The following RNF212 variants were observed in gnomAD, a reference collection of about 807,000 sequenced individuals.
RNF212 encodes the protein probable E3 SUMO-protein ligase RNF212.
In RNF212, 33 loss-of-function variants were observed where a neutral mutation model predicts 34.7. That is an observed-to-expected ratio of 0.95 (90% confidence interval 0.72 to 1.27). RNF212 has a LOEUF of 1.27. Ranked by LOEUF, RNF212 falls within the 50% of genes most tolerant of loss-of-function variation. RNF212 has a pLI of 0.00. For missense variants in RNF212, 377 were observed against 362.2 expected, an observed-to-expected ratio of 1.04 and a Z score of -0.33; for synonymous variants, 140 against 136.1, an observed-to-expected ratio of 1.03 and a Z score of -0.20.
At chr4:1,099,024 A>G (rs183841757) in intron 2 of RNF212, among the ~76,000 whole-genome samples, 2 of 152,196 alleles carry the variant, frequency 1.3e-5, no homozygotes, top group Non-Finnish European at 2.9e-5. Context: ...CAGGATGTCC[A>G]GAAGATGAGC....
chr4:1,082,048 G>T, intron 5 of RNF212: 1 of 222,836 alleles, frequency 4.5e-6, no homozygotes. Context: ...CCCAGGAGTT[G>T]GAGGCTACAG....
intron 2 of RNF212, among the ~76,000 whole-genome samples, chr4:1,102,877 C>T (rs1724231521): frequency 7.3e-6 from 1 of 136,542 alleles, no homozygotes; most frequent in African/African-American, 2.8e-5. Flanking sequence ...CACGGTGGCT[C>T]ACACCTGTAA....
At chr4:1,088,552 T>A (rs1010404439) in intron 4 of RNF212, among the ~76,000 whole-genome samples, 4 of 152,182 alleles carry the variant, frequency 2.6e-5, no homozygotes, top group Non-Finnish European at 5.9e-5. Context: ...AAAACCCATT[T>A]TCTGAGGGGA....
At chr4:1,090,648 G>A (rs1342642392) in intron 4 of RNF212, 134 bp downstream of exon 4, 11 of 667,720 alleles carry the variant, frequency 1.6e-5, no homozygotes, top group Non-Finnish European at 2.7e-5. Flanking sequence ...CGTCCCCATA[G>A]CTGGAAACAC....
intron 3 of RNF212, among the ~76,000 whole-genome samples, chr4:1,091,650 G>A (rs573798624): frequency 6.6e-6 from 1 of 152,290 alleles, no homozygotes; most frequent in East Asian, 1.9e-4. Context: ...TGCAAACACA[G>A]GGCAGGCTTC....
At chr4:1,093,293 G>T (rs1244403558) in intron 3 of RNF212, 62 of 821,934 alleles carry the variant, frequency 7.5e-5, no homozygotes, top group Non-Finnish European at 9.7e-5. Context: ...TACCCTATTA[G>T]AAATTAAGAC....
At chr4:1,081,932 G>A (rs1720420794) in intron 5 of RNF212, 1 of 337,052 alleles carries the variant, frequency 3.0e-6, no homozygotes, top group African/African-American at 2.1e-5. Flanking sequence ...CTGACAACAG[G>A]AGCCACTAAC....
chr4:1,072,794 T>C lies in RNF212; in HGVS notation c.*80A>G, dbSNP rs1718646725. ...GGCTTCCACATAAATGACAAAGGAA[T>C]AAAGCAGATAATTTGTAGAAAAAAC... On this transcript the variant is annotated 3_prime_UTR_variant, in exon 10 of 10. Transcript: ENST00000433731. 5 of 1,483,370 alleles carry C rather than the reference T, an allele frequency of 3.4e-6. 1 individual carries two copies. The South Asian group carries it at 4.2e-5, about 13-fold the overall frequency. 91.9% of individuals were successfully genotyped at this position (1,483,370 alleles called of 1,614,324 possible).
Position 1,072,767 on chromosome 4 carries a change from A to AG in RNF212, c.*106dup, listed in dbSNP as rs1373469742. 3.4e-6 allele frequency: 5 copies of AG among 1,457,224 alleles called. No homozygotes were observed. In the East Asian group the frequency reaches 1.2e-4, roughly 36 times the overall value. 90.3% of individuals were successfully genotyped at this position (1,457,224 alleles called of 1,614,324 possible). A position where few individuals can be genotyped will look rare whatever the true frequency, so the allele number is the denominator to read the frequency against. ...TAAAAGGTTAATATCCTGCACACTG[A>AG]GGGCTTCCACATAAATGACAAAGGA... On this transcript the variant is annotated 3_prime_UTR_variant, in exon 10 of 10. Coordinates refer to ENST00000433731, the MANE Select transcript of RNF212 (RefSeq NM_001131034.4).
chr4:1,086,782 T>G (rs867341506), intron 4 of RNF212, among the ~76,000 whole-genome samples: 44 of 646 alleles, frequency 0.068, no homozygotes, highest in Non-Finnish European at 0.096. Context: ...AGGACAGGGG[T>G]GGGGTGAGAG....
intron 2 of RNF212, among the ~76,000 whole-genome samples, chr4:1,098,140 G>A (rs568857435): frequency 6.6e-6 from 1 of 152,046 alleles, no homozygotes; most frequent in South Asian, 2.1e-4. Context: ...GATGTAGGAA[G>A]AACCTCATGC....
chr4:1,089,536 T>C (rs1234877517), intron 4 of RNF212, among the ~76,000 whole-genome samples: 1 of 152,164 alleles, frequency 6.6e-6, no homozygotes, highest in Non-Finnish European at 1.5e-5. Flanking sequence ...AGTTAAAACT[T>C]TGGGGGACTG....
downstream of RNF212, among the ~76,000 whole-genome samples, chr4:1,071,322 A>T (rs1158903296): frequency 2.0e-5 from 3 of 152,260 alleles, no homozygotes; most frequent in East Asian, 3.9e-4. Context: ...TGCTTGAAGT[A>T]TTTTCAAAAT....
At chr4:1,104,195 A>G (rs1169301410) in intron 2 of RNF212, among the ~76,000 whole-genome samples, 1 of 152,252 alleles carries the variant, frequency 6.6e-6, no homozygotes, top group Non-Finnish European at 1.5e-5. Flanking sequence ...CCACAATAAC[A>G]ATCCCAACAG....
At chr4:1,094,042 G>A (rs1244510485) in intron 3 of RNF212, 1 of 1,384,250 alleles carries the variant, frequency 7.2e-7, no homozygotes, top group Non-Finnish European at 9.5e-7. Flanking sequence ...TGTTTCAGAA[G>A]CAAGGAAGCT....
At chr4:1,099,730 C>T (rs113600875) in intron 2 of RNF212, 2 of 456,114 alleles carry the variant, frequency 4.4e-6, no homozygotes, top group African/African-American at 4.0e-5. Flanking sequence ...TGACTGAAGG[C>T]CTTTGCTGCG....
chr4:1,070,377 G>A (rs1718382808), downstream of RNF212, among the ~76,000 whole-genome samples: 4 of 148,762 alleles, frequency 2.7e-5, no homozygotes, highest in African/African-American at 1.0e-4. Context: ...CTGTGTCAGC[G>A]TGGGTGCCTG....
At chr4:1,103,603 A>G (rs189122922) in intron 2 of RNF212, among the ~76,000 whole-genome samples, 1 of 128,768 alleles carries the variant, frequency 7.8e-6, no homozygotes, top group African/African-American at 2.6e-5. Flanking sequence ...TTCTAAAAAT[A>G]AATGCAACTC....
downstream of RNF212, among the ~76,000 whole-genome samples, chr4:1,071,141 A>T (rs946462293): frequency 6.6e-6 from 1 of 151,742 alleles, no homozygotes; most frequent in Non-Finnish European, 1.5e-5. Context: ...TGTTCTTACA[A>T]TTTTTTCTGT....
Sources: gnomAD v4.1 joint callset for allele counts (sites outside exome capture counted in the v4.1 genomes callset) on GRCh38, gnomAD v4.1.1 for gene constraint, MANE v1.5 for transcripts, NCBI Gene and HGNC (gene_info 2026-07-23, HGNC 2026-07-21) for gene names.